FER1L6: variants seen among roughly 807,000 people sequenced by gnomAD.
FER1L6 encodes the protein fer-1-like protein 6.
Under a neutral mutation model 219.2 loss-of-function variants are expected in FER1L6, and 177 were observed. The observed-to-expected ratio is 0.81, with a 90% CI of 0.71 to 0.91. FER1L6 has a LOEUF of 0.91. FER1L6 is among the 40% of genes least tolerant of loss of function. The pLI is 0.00. For synonymous variants in FER1L6, 768 were observed against 824.3 expected, an observed-to-expected ratio of 0.93 and a Z score of 1.17; for missense variants, 2,153 against 2,259.9, an observed-to-expected ratio of 0.95 and a Z score of 0.96.
intron 1 of FER1L6, among the ~76,000 whole-genome samples, chr8:123,881,535 G>C (rs1817110585): frequency 6.6e-6 from 1 of 152,038 alleles, no homozygotes; most frequent in African/African-American, 2.4e-5. Context: ...TAAATAAGTG[G>C]GCCTTTTGTC....
At chr8:123,947,293 T>G (rs1461822141) in intron 1 of FER1L6, among the ~76,000 whole-genome samples, 2 of 151,690 alleles carry the variant, frequency 1.3e-5, no homozygotes, top group Non-Finnish European at 2.9e-5. Flanking sequence ...GGAGGATGCA[T>G]TAGAAAAGGA....
chr8:124,064,369 C>T lies in FER1L6; in HGVS notation c.3351C>T (p.Ala1117=), dbSNP rs766738901. The change falls in exon 26 of 41, where the codon GCC becomes GCT. Residue 1117 remains alanine, a synonymous_variant. Transcript: ENST00000522917. ...CAGATATTTCAGATTCGCTAACAGC[C>T]ACTGAGTCCTCTGGAGCCCACAGCT... ...PGHDISDSLT[A]TESSGAHSSS... 1.9e-6 allele frequency: 3 copies of T among 1,612,752 alleles called. No individual in the cohort carries two copies. The highest frequency in any genetic ancestry group is 2.2e-5 in the East Asian group (1 of 44,874).
chr8:123,976,816 G>A (rs908308341), intron 9 of FER1L6, among the ~76,000 whole-genome samples: 1 of 152,148 alleles, frequency 6.6e-6, no homozygotes, highest in African/African-American at 2.4e-5. Context: ...TCTTATGTAA[G>A]CCTGGACATC....
intron 13 of FER1L6, among the ~76,000 whole-genome samples, chr8:124,004,469 T>A (rs1025386909): frequency 1.7e-4 from 26 of 152,296 alleles, no homozygotes; most frequent in African/African-American, 6.3e-4. Flanking sequence ...TCTGCTCTTT[T>A]CAATCTAGAC....
At chr8:124,043,458 A>T (rs556144474) in intron 20 of FER1L6, among the ~76,000 whole-genome samples, 1 of 152,326 alleles carries the variant, frequency 6.6e-6, no homozygotes, top group East Asian at 1.9e-4. Context: ...ATGTCATTTA[A>T]CTCAGTTATA....
chr8:123,941,478 C>G (rs28461574), intron 1 of FER1L6, among the ~76,000 whole-genome samples: 163 of 152,222 alleles, frequency 1.1e-3, no homozygotes, highest in African/African-American at 3.8e-3. Context: ...GTGGCCAGAG[C>G]AAACCACAGG....
intron 1 of FER1L6, among the ~76,000 whole-genome samples, chr8:123,927,737 C>A (rs1813623031): frequency 6.6e-6 from 1 of 151,994 alleles, no homozygotes; most frequent in Non-Finnish European, 1.5e-5. Context: ...AATGCCAAAC[C>A]CTGACTAAAT....
chr8:123,900,248 T>A (rs1474360358), intron 1 of FER1L6, among the ~76,000 whole-genome samples: 1 of 152,108 alleles, frequency 6.6e-6, no homozygotes, highest in Non-Finnish European at 1.5e-5. Context: ...TATATATATA[T>A]TTGCAGCTAT....
chr8:123,912,325 T>C (rs1156819934), intron 1 of FER1L6, among the ~76,000 whole-genome samples: 1 of 152,068 alleles, frequency 6.6e-6, no homozygotes, highest in Non-Finnish European at 1.5e-5. Flanking sequence ...AAGAAGATCA[T>C]AGCCTTCATT....
In FER1L6 at chr8:123,853,170, T is replaced by A. The variant is rs1816548431; in HGVS notation, c.-8+985T>A. ...CAGACTTTAAAATAGACGAAATCTTTTTTTGAGACAGTCTCACTCTATAGC... is the reference window on the plus strand; with the variant it reads ...CAGACTTTAAAATAGACGAAATCTTATTTTGAGACAGTCTCACTCTATAGC... On this transcript the variant is annotated intron_variant, in intron 1 of 40. Transcript: ENST00000522917. This position sits in a 1 kb window ranked among gnomAD's most constrained non-coding sequence, Gnocchi z 6.6. Among the ~76,000 whole-genome samples, 1 of 151,862 alleles carries A rather than the reference T, an allele frequency of 6.6e-6. No homozygotes were observed. The highest frequency in any genetic ancestry group is 2.4e-5 in the African/African-American group (1 of 41,318).
intron 18 of FER1L6, among the ~76,000 whole-genome samples, chr8:124,028,243 T>C (rs1818793362): frequency 6.6e-6 from 1 of 152,244 alleles, no homozygotes; most frequent in Non-Finnish European, 1.5e-5. Flanking sequence ...ATTTGTATTT[T>C]CCTTTTGCCA....
rs184702623 is a variant in FER1L6, at chr8:123,902,880, A to G, written c.-8+50695A>G. Among the ~76,000 whole-genome samples, 14 of 151,830 alleles carry G rather than the reference A, an allele frequency of 9.2e-5. No homozygotes were observed. In the East Asian group the frequency reaches 1.9e-3, roughly 21 times the overall value. ...TTGTTGTTTTTGCTTTTTAACTCCT[A>G]TTTTTGTTTTATAGGTCCGGTGTGA... On this transcript the variant is annotated intron_variant, in intron 1 of 40. Coordinates refer to ENST00000522917, the MANE Select transcript of FER1L6 (RefSeq NM_001039112.2).
intron 20 of FER1L6, among the ~76,000 whole-genome samples, chr8:124,040,237 A>T (rs940526578): frequency 6.6e-6 from 1 of 152,246 alleles, no homozygotes; most frequent in African/African-American, 2.4e-5. Context: ...CCTGAGGCGA[A>T]GGAAGGCTGG....
At chr8:124,112,925 G>T (rs1823081807) in intron 39 of FER1L6, among the ~76,000 whole-genome samples, 1 of 151,960 alleles carries the variant, frequency 6.6e-6, no homozygotes, top group South Asian at 2.1e-4. Flanking sequence ...AGCACAAAAA[G>T]GTAGAAAAAA....
At position 124,071,518 on chromosome 8, in the gene FER1L6, A is replaced by G; in HGVS notation, c.3979A>G (p.Ile1327Val). Reference protein sequence around the residue: ...VIGKFKGSFCIYKSPQDSSSE... With the variant: ...VIGKFKGSFCVYKSPQDSSSE... The stretch of plus-strand genomic sequence containing the variant: ...TTTGTGGTTCCAGGGCTCCTTCTGC[A>G]TCTACAAAAGCCCCCAGGATTCTAG... The change falls in exon 31 of 41, where the codon ATC becomes GTC. Residue 1327 changes from isoleucine to valine, a missense_variant. Transcript: ENST00000522917. The G allele has an allele frequency of 6.2e-7, 1 of 1,614,068 alleles. No homozygotes were observed. Among genetic ancestry groups the G allele is most frequent in the Non-Finnish European group, 8.5e-7 (1 of 1,179,978 alleles).
intron 1 of FER1L6, among the ~76,000 whole-genome samples, chr8:123,857,840 A>G (rs1233175862): frequency 6.6e-6 from 1 of 152,168 alleles, no homozygotes; most frequent in Non-Finnish European, 1.5e-5. Context: ...AATTTTCTGG[A>G]CAAAAAGCAG....
At chr8:124,035,583 T>A in intron 19 of FER1L6, 129 bp downstream of exon 19, 1 of 852,940 alleles carries the variant, frequency 1.2e-6, no homozygotes, top group Non-Finnish European at 1.8e-6. Context: ...TCTTCTTAAG[T>A]AAAGTACAGT....
At chr8:124,025,543 A>G (rs1034574446) in intron 18 of FER1L6, among the ~76,000 whole-genome samples, 3 of 152,102 alleles carry the variant, frequency 2.0e-5, no homozygotes, top group Admixed American at 6.5e-5. Context: ...CTATATATCT[A>G]CTTTTATAGC....
chr8:123,904,599 A>C (rs1469633284), intron 1 of FER1L6, among the ~76,000 whole-genome samples: 2 of 152,150 alleles, frequency 1.3e-5, no homozygotes, highest in Admixed American at 6.5e-5. Context: ...ATTTCAACCT[A>C]TACAAGATAC....
Sources: gnomAD v4.1 joint callset for allele counts (sites outside exome capture counted in the v4.1 genomes callset) on GRCh38, gnomAD v4.1.1 for gene constraint, Gnocchi (gnomAD v3.1) non-coding constraint, MANE v1.5 for transcripts, NCBI Gene and HGNC (gene_info 2026-07-23, HGNC 2026-07-21) for gene names.